The following MYO9A variants were observed in gnomAD, a reference collection of about 807,000 sequenced individuals.
MYO9A encodes myosin IXA.
MYO9A carries 103 observed loss-of-function variants against 293.3 expected under a neutral mutation model. The observed-to-expected ratio is 0.35, with a 90% confidence interval of 0.30 to 0.41. The LOEUF (loss-of-function observed/expected upper bound fraction) is 0.41, where lower values mean the gene tolerates loss of function less well. Ranked by LOEUF, MYO9A falls within the 10% of genes least tolerant of loss-of-function variation. The probability of loss-of-function intolerance (pLI) is 1.00; values close to 1 mark genes in which losing one functional copy is unlikely to be tolerated. For missense variants in MYO9A, 2,685 were observed against 3,033.0 expected, an observed-to-expected ratio of 0.89 and a Z score of 2.69; for synonymous variants, 1,001 against 1,035.7, an observed-to-expected ratio of 0.97 and a Z score of 0.64.
chr15:71,879,644 T>C (rs2056812127), intron 30 of MYO9A, 77 bp downstream of exon 30: 2 of 1,022,072 alleles, frequency 2.0e-6, no homozygotes, highest in African/African-American at 1.6e-5. Context: ...AACATGGCTT[T>C]TGTATTATCT....
At chr15:71,936,512 C>T (rs954145166) in intron 16 of MYO9A, among the ~76,000 whole-genome samples, 5 of 152,032 alleles carry the variant, frequency 3.3e-5, no homozygotes, top group Non-Finnish European at 5.9e-5. Flanking sequence ...AAAAATGACA[C>T]ATATTTGAGA....
At chr15:71,924,245 A>G (rs2058231723) in intron 18 of MYO9A, among the ~76,000 whole-genome samples, 1 of 151,570 alleles carries the variant, frequency 6.6e-6, no homozygotes, top group African/African-American at 2.4e-5. Flanking sequence ...TATTATCATT[A>G]TTGTTATTAT....
chr15:72,027,462 A>G (rs2077707783), intron 4 of MYO9A, among the ~76,000 whole-genome samples: 1 of 152,222 alleles, frequency 6.6e-6, no homozygotes, highest in Non-Finnish European at 1.5e-5. Context: ...GCAAAGTCCC[A>G]AGGCACATTG....
At chr15:72,067,183 ATAT>A (rs1195563352) in intron 1 of MYO9A, among the ~76,000 whole-genome samples, 10 of 148,954 alleles carry the variant, frequency 6.7e-5, no homozygotes, top group African/African-American at 2.4e-4. Flanking sequence ...AAATATATTA[ATAT>A]TATTACTATA....
chr15:72,025,817 A>G (rs2077649255), intron 4 of MYO9A, among the ~76,000 whole-genome samples: 1 of 152,214 alleles, frequency 6.6e-6, no homozygotes, highest in African/African-American at 2.4e-5. Context: ...ACATATGTTT[A>G]TAGAACACTC....
At chr15:71,899,568 G>A (rs1204537293) in intron 24 of MYO9A, 119 bp downstream of exon 24, 9 of 884,730 alleles carry the variant, frequency 1.0e-5, no homozygotes. Flanking sequence ...ACAGTATAGT[G>A]GAAAAGACAA....
chr15:72,074,182 G>C (rs1416256212), intron 1 of MYO9A, among the ~76,000 whole-genome samples: 1 of 152,054 alleles, frequency 6.6e-6, no homozygotes, highest in African/African-American at 2.4e-5. Context: ...GCTCTCAGTG[G>C]AAATGAGAAA....
chr15:72,099,796 G>A (rs2150821706), intron 1 of MYO9A, among the ~76,000 whole-genome samples: 1 of 151,604 alleles, frequency 6.6e-6, no homozygotes, highest in South Asian at 2.1e-4. Flanking sequence ...CAGCTACTCA[G>A]GAGGCTGAGA....
chr15:71,951,894 G>C lies in MYO9A; in HGVS notation c.2185C>G (p.His729Asp). 6.4e-7 allele frequency: 1 copy of C among 1,571,434 alleles called. No individual in the cohort carries two copies. Among genetic ancestry groups the C allele is most frequent in the Non-Finnish European group, 8.6e-7 (1 of 1,167,058 alleles). The change falls in exon 15 of 42, where the codon CAT becomes GAT. Residue 729 changes from histidine (H) to aspartate (D), a missense_variant and splice_region_variant. Physicochemically the swap from His to Asp is moderately conservative, Grantham distance 81. Coordinates refer to ENST00000356056, the MANE Select transcript of MYO9A (RefSeq NM_006901.4). Reference protein sequence around the residue: ...GKRNIHRKTGHDDTAPCAILK... With the variant: ...GKRNIHRKTGDDDTAPCAILK... ...ATTGCACATGGCGCTGTATCATCAT[G>C]TCCTTAGGAAGCAAAAAAAAACAAA...
chr15:72,012,876 C>T (rs2077215137), intron 6 of MYO9A, among the ~76,000 whole-genome samples: 1 of 152,082 alleles, frequency 6.6e-6, no homozygotes, highest in Non-Finnish European at 1.5e-5. Context: ...CTGAAAGAGG[C>T]ACTAAAATAT....
At position 71,935,470 on chromosome 15, in the gene MYO9A, A is replaced by G. The variant is rs147639865; in HGVS notation, c.2393T>C (p.Ile798Thr). 2.9e-5 allele frequency: 47 copies of G among 1,613,336 alleles called. No homozygotes were observed. The highest frequency in any genetic ancestry group is 8.3e-5 in the Admixed American group (5 of 59,940). ...NEKNQHDTFDIAWNGRTGIRQ... is the reference protein window; with the variant it reads ...NEKNQHDTFDTAWNGRTGIRQ... ...AATCCCAGTTCTGCCATTCCAGGCA[A>G]TATCAAATGTATCACTGTAAAAAAT... Residue 798 changes from isoleucine to threonine, a missense_variant, in exon 17 of 42, where the codon ATT becomes ACT. Coordinates refer to ENST00000356056, the MANE Select transcript of MYO9A (RefSeq NM_006901.4).
chr15:72,001,263 A>T (rs1177225713), intron 8 of MYO9A, among the ~76,000 whole-genome samples: 1 of 152,224 alleles, frequency 6.6e-6, no homozygotes, highest in Non-Finnish European at 1.5e-5. Flanking sequence ...AAAAAATATT[A>T]GATTATAACA....
chr15:71,921,779 A>G (rs2058161423), intron 18 of MYO9A, among the ~76,000 whole-genome samples: 1 of 152,192 alleles, frequency 6.6e-6, no homozygotes, highest in African/African-American at 2.4e-5. Context: ...CAATAGCTTT[A>G]CTGAAACAAA....
At chr15:72,091,382 TTTTCTTTTC>T (rs2150605022) in intron 1 of MYO9A, among the ~76,000 whole-genome samples, 1 of 152,332 alleles carries the variant, frequency 6.6e-6, no homozygotes, top group African/African-American at 2.4e-5. Flanking sequence ...CTTTTCTTGT[TTTTCTTTTC>T]TTTCTTTTCT....
chr15:72,067,763 C>T (rs948398098), intron 1 of MYO9A, among the ~76,000 whole-genome samples: 5 of 152,052 alleles, frequency 3.3e-5, no homozygotes, highest in Non-Finnish European at 7.4e-5. Flanking sequence ...ATTTTATTTT[C>T]TTGATAAAAC....
rs567464331 is a variant in MYO9A at position 72,101,333 on chromosome 15, G to C, written c.-72+16347C>G. The stretch of plus-strand genomic sequence containing the variant: ...CAGGCCAGCCGCCCCGTCCGGGAGG[G>C]AGGTCGGGGCGTCAGCCTCCCGCCC... On this transcript the variant is annotated intron_variant, in intron 1 of 41. Transcript: ENST00000356056. Among the ~76,000 whole-genome samples the C allele has an allele frequency of 3.7e-3, 527 of 144,264 alleles. 1 individual carries two copies. Among genetic ancestry groups the C allele is most frequent in the African/African-American group, 0.013 (512 of 39,042 alleles). The allele number at this position is 144,264 out of a possible 152,430, so 94.6% of individuals were successfully genotyped here.
At chr15:71,994,363 C>T in intron 10 of MYO9A, 106 bp downstream of exon 10, 1 of 614,090 alleles carries the variant, frequency 1.6e-6, no homozygotes. Context: ...AAAGCGATTT[C>T]TTACTTATTA....
chr15:71,988,451 A>G (rs921106504), intron 11 of MYO9A, among the ~76,000 whole-genome samples: 16 of 152,248 alleles, frequency 1.1e-4, no homozygotes, highest in Non-Finnish European at 2.2e-4. Context: ...AGCTAATATT[A>G]TAACAAATAA....
intron 30 of MYO9A, among the ~76,000 whole-genome samples, chr15:71,878,740 A>ATTTTTTTTT (rs200866619): frequency 1.8e-5 from 2 of 108,646 alleles, no homozygotes; most frequent in Admixed American, 1.1e-4. Flanking sequence ...GAGATCTGGA[A>ATTTTTTTTT]TTTTTTTTTT....
Sources: allele counts gnomAD v4.1 joint callset (sites outside exome capture counted in the v4.1 genomes callset), GRCh38; gene constraint gnomAD v4.1.1; transcripts MANE v1.5; gene names NCBI Gene and HGNC (gene_info 2026-07-23, HGNC 2026-07-21).